FXYD1: variants seen among roughly 807,000 people sequenced by gnomAD.
FXYD1 encodes the protein FXYD domain containing ion transport regulator 1.
FXYD1 carries 9 observed loss-of-function variants against 17.2 expected under a neutral mutation model. That is an observed-to-expected ratio of 0.52 (90% CI 0.32 to 0.91). The LOEUF (loss-of-function observed/expected upper bound fraction) is 0.91. Ranked by LOEUF, FXYD1 falls within the 40% of genes least tolerant of loss-of-function variation. The pLI, the probability that FXYD1 is intolerant of heterozygous loss-of-function variation, is 0.04. For missense variants in FXYD1, 113 were observed against 120.6 expected (o/e 0.94, Z 0.29); for synonymous variants, 55 against 45.8 (o/e 1.20, Z -0.81).
chr19:35,141,708 C>T (rs1010672074), intron 5 of FXYD1, 136 bp downstream of exon 5: 1 of 685,104 alleles, frequency 1.5e-6, no homozygotes, highest in Non-Finnish European at 2.4e-6. Context: ...GTGCCATGGC[C>T]CAAGCCTGGC....
chr19:35,142,402 C>A (rs1441174851), intron 5 of FXYD1, 70 bp from the exon 6 acceptor site: 3 of 1,195,094 alleles, frequency 2.5e-6, no homozygotes, highest in African/African-American at 1.5e-5. Context: ...GAGGCTTGTA[C>A]TGGGGGGTTC....
intron 1 of FXYD1, chr19:35,139,795 C>G: frequency 2.6e-6 from 1 of 377,474 alleles, no homozygotes; most frequent in South Asian, 3.2e-5. Flanking sequence ...GGGCCTGCTG[C>G]GGGAGGTGGA....
chr19:35,141,100 T>C (rs375550967), intron 3 of FXYD1, 32 bp from the exon 4 acceptor site: 5 of 1,430,082 alleles, frequency 3.5e-6, no homozygotes, highest in Non-Finnish European at 4.9e-6. Flanking sequence ...CTGTCTTCCC[T>C]GCCCTCACCT....
At chr19:35,139,957 T>G in intron 1 of FXYD1, 119 bp from the exon 2 acceptor site, 2 of 869,666 alleles carry the variant, frequency 2.3e-6, no homozygotes, top group Non-Finnish European at 3.8e-6. Flanking sequence ...GCCACCAAGA[T>G]AGAGGACAAA....
At chr19:35,142,258 G>C (rs2065263424) in intron 5 of FXYD1, 2 of 451,640 alleles carry the variant, frequency 4.4e-6, no homozygotes, top group Non-Finnish European at 3.9e-6. Flanking sequence ...CCAAATCCGC[G>C]GAGGTACTCA....
Position 35,141,188 on chromosome 19 carries a change from G to T in FXYD1, c.151G>T (p.Gly51Cys). The change falls in exon 4 of 8, where the codon GGC (glycine) becomes TGC (cysteine). Residue 51 changes from glycine (G) to cysteine (C), a missense_variant. Gly to Cys is a radical substitution (Grantham distance 159, BLOSUM62 -3). Transcript: ENST00000351325. ...LVIAGILFIL[G>C]ILIVLSRRCR... ...CATCGCCGGGATCCTCTTCATCCTG[G>T]GCATCCTCATCGTGCTGAGTGAGTG... 1 of 1,607,788 alleles carries T rather than the reference G, an allele frequency of 6.2e-7. No individual in the cohort carries two copies. Among genetic ancestry groups the T allele is most frequent in the Non-Finnish European group, 8.5e-7 (1 of 1,175,326 alleles).
intron 3 of FXYD1, 163 bp from the exon 4 acceptor site, chr19:35,140,969 G>A (rs1025144515): frequency 3.4e-6 from 2 of 591,238 alleles, no homozygotes; most frequent in Non-Finnish European, 6.1e-6. Context: ...CCTCTCCCTG[G>A]TACCCCACTT....
rs775245758 is a variant in FXYD1, at chr19:35,141,409, C to T, written c.170-127C>T. On this transcript the variant is annotated intron_variant, in intron 4 of 7. Transcript: ENST00000351325. The stretch of plus-strand genomic sequence containing the variant: ...TACCCTGCCTTGGTTCCCCGGCCCC[C>T]GGTCTCGCCTCTAGCCCCGCCCCGT... 59 of 792,752 alleles carry T rather than the reference C, an allele frequency of 7.4e-5. No individual in the cohort carries two copies. In the East Asian group the frequency reaches 1.6e-3, roughly 21 times the overall value. 49.1% of individuals were successfully genotyped at this position (792,752 alleles called of 1,614,324 possible).
chr19:35,139,846 C>T (rs994273648), intron 1 of FXYD1: 3 of 495,994 alleles, frequency 6.0e-6, no homozygotes, highest in South Asian at 2.4e-5. Context: ...GTCTCACCCC[C>T]GTCCCTGCTA....
rs1295902010 is a variant in FXYD1 at position 35,141,141 on chromosome 19, C to A, written c.104C>A (p.Ser35Tyr). The A allele has an allele frequency of 1.9e-6, 3 of 1,605,860 alleles. No individual in the cohort carries two copies. Among genetic ancestry groups the A allele is most frequent in the Non-Finnish European group, 2.6e-6 (3 of 1,173,106 alleles). The change falls in exon 4 of 8, where the codon TCC becomes TAC. Residue 35 changes from serine to tyrosine, a missense_variant. By Grantham distance (144) the Ser-to-Tyr change is moderately radical. Coordinates refer to ENST00000351325, the MANE Select transcript of FXYD1 (RefSeq NM_021902.4). ...GCTCTGCTGCTCACAGACTACCAGTCCCTGCAGATCGGAGGCCTCGTCATC... is the reference window on the plus strand; with the variant it reads ...GCTCTGCTGCTCACAGACTACCAGTACCTGCAGATCGGAGGCCTCGTCATC... ...EHDPFTYDYQ[S>Y]LQIGGLVIAG... is the part of the protein sequence containing the mutation.
At chr19:35,140,449 G>A in intron 2 of FXYD1, 148 bp from the exon 3 acceptor site, 1 of 738,092 alleles carries the variant, frequency 1.4e-6, no homozygotes, top group Middle Eastern at 4.0e-4. Flanking sequence ...GTGCAGAGGG[G>A]GCAGCTGGGA....
Position 35,143,090 on chromosome 19 carries a change from A to G in FXYD1, c.*203A>G. On this transcript the variant is annotated 3_prime_UTR_variant, in exon 8 of 8. Coordinates refer to ENST00000351325, the MANE Select transcript of FXYD1 (RefSeq NM_021902.4). The surrounding 1 kb of genome is among the most constrained non-coding windows in gnomAD (Gnocchi z 4.3). Reference sequence around the variant, plus strand: ...TCTCGGTCCCTCAGCGCGAAACGCCAGCGCCACTGGGCCCCAGCAGGGGGC... The same window carrying G: ...TCTCGGTCCCTCAGCGCGAAACGCCGGCGCCACTGGGCCCCAGCAGGGGGC... 1 of 524,750 alleles carries G rather than the reference A, an allele frequency of 1.9e-6. No homozygotes were observed. Among genetic ancestry groups the G allele is most frequent in the Non-Finnish European group, 3.3e-6 (1 of 299,110 alleles). The allele number at this position is 524,750 out of a possible 1,614,324, so 32.5% of individuals were successfully genotyped here. A position where few individuals can be genotyped will look rare whatever the true frequency, so the allele number is the denominator to read the frequency against.
intron 2 of FXYD1, 66 bp from the exon 3 acceptor site, chr19:35,140,531 C>A: frequency 1.4e-6 from 2 of 1,431,164 alleles, no homozygotes; most frequent in South Asian, 1.2e-5. Context: ...CTCCAGTGGT[C>A]TCCTCATGCC....
chr19:35,142,316 G>T, intron 5 of FXYD1, 156 bp from the exon 6 acceptor site: 1 of 633,720 alleles, frequency 1.6e-6, no homozygotes, highest in Non-Finnish European at 2.8e-6. Context: ...GCTGCTCCTG[G>T]GTGCTCCTCA....
At chr19:35,137,552 A>G (rs2065216554), upstream of FXYD1, 2 of 152,258 alleles carry the variant, frequency 1.3e-5, no homozygotes, top group Non-Finnish European at 2.9e-5. Flanking sequence ...CTGTGTGTAC[A>G]CAAGCTTGTT....
At chr19:35,141,395 G>T (rs1209728626) in intron 4 of FXYD1, 141 bp from the exon 5 acceptor site, 3 of 693,842 alleles carry the variant, frequency 4.3e-6, no homozygotes, top group African/African-American at 2.0e-5. Flanking sequence ...ACCCTGCCTT[G>T]GTTCCCCGGC....
intron 6 of FXYD1, 94 bp from the exon 7 acceptor site, chr19:35,142,626 C>T (rs988173148): frequency 2.5e-5 from 38 of 1,542,294 alleles, no homozygotes; most frequent in Non-Finnish European, 2.9e-5. Flanking sequence ...GATCTGAAAG[C>T]GGAGGGCGGG....
Position 35,141,193 on chromosome 19 carries a change from C to T in FXYD1, c.156C>T (p.Ile52=), listed in dbSNP as rs751511808. The T allele has an allele frequency of 5.0e-6, 8 of 1,603,924 alleles. No individual in the cohort carries two copies. In the South Asian group the frequency reaches 7.7e-5, roughly 15 times the overall value. ...VIAGILFILG[I]LIVLSRRCRC... ...CCGGGATCCTCTTCATCCTGGGCATCCTCATCGTGCTGAGTGAGTGCCCCT... is the reference window on the plus strand; with the variant it reads ...CCGGGATCCTCTTCATCCTGGGCATTCTCATCGTGCTGAGTGAGTGCCCCT... Residue 52 remains isoleucine, a synonymous_variant, in exon 4 of 8, where the codon ATC becomes ATT. Coordinates refer to ENST00000351325, the MANE Select transcript of FXYD1 (RefSeq NM_021902.4).
At chr19:35,138,065 G>A (rs959764747), upstream of FXYD1, 10 of 152,236 alleles carry the variant, frequency 6.6e-5, no homozygotes, top group African/African-American at 2.4e-4. Flanking sequence ...AGATGGTGAT[G>A]TGGCTATGTC....
Sources: allele counts gnomAD v4.1 joint callset, GRCh38; gene constraint gnomAD v4.1.1; non-coding constraint Gnocchi (gnomAD v3.1); transcripts MANE v1.5; gene names NCBI Gene and HGNC (gene_info 2026-07-23, HGNC 2026-07-21).